Variants in GRAMD2B observed in about 807,000 individuals in gnomAD.
GRAMD2B encodes GRAM domain-containing protein 2B.
Under a neutral mutation model 59.2 loss-of-function variants are expected in GRAMD2B, and 41 were observed. The ratio of observed to expected loss-of-function variants is 0.69; its 90% CI spans 0.54 to 0.90. The LOEUF is 0.90. Among genes scored for constraint, GRAMD2B ranks in the 40% least tolerant of loss-of-function variants. GRAMD2B has a pLI of 0.00. For missense variants in GRAMD2B, 424 were observed against 500.5 expected (o/e 0.85, Z 1.46); for synonymous variants, 161 against 182.7 (o/e 0.88, Z 0.96).
At chr5:126,449,371 A>G (rs976885689) in intron 1 of GRAMD2B, among the ~76,000 whole-genome samples, 28 of 152,224 alleles carry the variant, frequency 1.8e-4, no homozygotes, top group Non-Finnish European at 3.4e-4. Context: ...TAATAACAAT[A>G]TGGAATAATT....
At chr5:126,385,337 G>A (rs1353237399) in intron 1 of GRAMD2B, among the ~76,000 whole-genome samples, 1 of 152,154 alleles carries the variant, frequency 6.6e-6, no homozygotes, top group East Asian at 1.9e-4. Flanking sequence ...GGAAAAGAGA[G>A]GGGAAAATTA....
At chr5:126,463,888 G>A (rs767314361) in intron 1 of GRAMD2B, among the ~76,000 whole-genome samples, 9 of 152,050 alleles carry the variant, frequency 5.9e-5, no homozygotes, top group East Asian at 1.9e-4. Flanking sequence ...GCATGGTGGC[G>A]TGCGCCTGTA....
intron 1 of GRAMD2B, chr5:126,462,359 C>G: frequency 1.0e-6 from 1 of 955,108 alleles, no homozygotes; most frequent in Non-Finnish European, 1.2e-6. Flanking sequence ...CATTTCCCCT[C>G]CCACGCTGCT....
upstream of GRAMD2B, among the ~76,000 whole-genome samples, chr5:126,366,886 G>A (rs1347081935): frequency 8.1e-6 from 1 of 123,870 alleles, no homozygotes; most frequent in Non-Finnish European, 1.6e-5. Context: ...ATGGAGTCTC[G>A]CTCTGTTACC....
At chr5:126,415,564 C>G (rs1252052144) in intron 1 of GRAMD2B, among the ~76,000 whole-genome samples, 1 of 152,030 alleles carries the variant, frequency 6.6e-6, no homozygotes, top group East Asian at 1.9e-4. Flanking sequence ...CAATTTGCCT[C>G]AAATGAAGGT....
chr5:126,437,138 G>A (rs868710443), intron 1 of GRAMD2B, among the ~76,000 whole-genome samples: 8 of 152,270 alleles, frequency 5.3e-5, no homozygotes, highest in African/African-American at 1.9e-4. Context: ...CCAGGTTTGA[G>A]TTTTTTCGAG....
chr5:126,450,979 G>A (rs1461968390), intron 1 of GRAMD2B, among the ~76,000 whole-genome samples: 1 of 152,258 alleles, frequency 6.6e-6, no homozygotes, highest in Non-Finnish European at 1.5e-5. Context: ...CCCACACAGA[G>A]TGCCCAACAG....
At chr5:126,462,304 T>C (rs539658838) in intron 1 of GRAMD2B, 6 of 390,808 alleles carry the variant, frequency 1.5e-5, no homozygotes, top group Non-Finnish European at 2.1e-5. Context: ...TTCAGCTTCA[T>C]TGACAGTAAC....
At chr5:126,444,651 G>T (rs924762314) in intron 1 of GRAMD2B, among the ~76,000 whole-genome samples, 3 of 152,154 alleles carry the variant, frequency 2.0e-5, no homozygotes, top group Non-Finnish European at 4.4e-5. Context: ...GATAAATGAG[G>T]ATGTTCATAT....
chr5:126,428,072 T>C (rs1470828713), intron 1 of GRAMD2B, among the ~76,000 whole-genome samples: 2 of 151,908 alleles, frequency 1.3e-5, no homozygotes, highest in Non-Finnish European at 1.5e-5. Context: ...GTCTCTACTA[T>C]AAATACAAAA....
At chr5:126,371,350 C>T in exon 1 of GRAMD2B, 1 of 1,204,662 alleles carries the variant, frequency 8.3e-7, no homozygotes, top group Admixed American at 3.1e-5. Flanking sequence ...AAGGACTGTA[C>T]AAAGCTGAAA....
At chr5:126,422,448 C>A (rs929359666), upstream of GRAMD2B, among the ~76,000 whole-genome samples, 2 of 152,216 alleles carry the variant, frequency 1.3e-5, no homozygotes, top group African/African-American at 4.8e-5. Context: ...ATCCACCCGC[C>A]TCGGCCTCCC....
At chr5:126,417,146 G>A (rs1561493459) in intron 1 of GRAMD2B, among the ~76,000 whole-genome samples, 2 of 152,246 alleles carry the variant, frequency 1.3e-5, no homozygotes, top group Non-Finnish European at 2.9e-5. Flanking sequence ...ATGGCCCCTA[G>A]TGAGTTGGTA....
At chr5:126,429,389 G>T (rs1243716732) in intron 1 of GRAMD2B, among the ~76,000 whole-genome samples, 1 of 152,142 alleles carries the variant, frequency 6.6e-6, no homozygotes, top group Non-Finnish European at 1.5e-5. Context: ...ATTGGAGGGT[G>T]GAGGGTGGGA....
At chr5:126,484,032 G>A (rs944681683) in intron 9 of GRAMD2B, among the ~76,000 whole-genome samples, 6 of 152,110 alleles carry the variant, frequency 3.9e-5, no homozygotes, top group Non-Finnish European at 7.3e-5. Context: ...GTTTCACCAT[G>A]TTGGTCAGGC....
upstream of GRAMD2B, among the ~76,000 whole-genome samples, chr5:126,418,930 T>G (rs866239433): frequency 6.6e-6 from 1 of 152,218 alleles, no homozygotes; most frequent in African/African-American, 2.4e-5. Flanking sequence ...TAAAATATCA[T>G]GCATAGTTAA....
chr5:126,458,024 A>T (rs1344408246), intron 1 of GRAMD2B, among the ~76,000 whole-genome samples: 5 of 152,092 alleles, frequency 3.3e-5, no homozygotes. Context: ...TCATCTGTTC[A>T]CTAAAGCCAG....
intron 1 of GRAMD2B, among the ~76,000 whole-genome samples, chr5:126,429,291 C>T (rs897151587): frequency 5.9e-5 from 9 of 152,056 alleles, no homozygotes; most frequent in East Asian, 1.9e-4. Context: ...GAACAAAAAA[C>T]GAAATACCAC....
At chr5:126,429,414 G>C (rs376594179) in intron 1 of GRAMD2B, among the ~76,000 whole-genome samples, 8 of 152,068 alleles carry the variant, frequency 5.3e-5, no homozygotes, top group African/African-American at 1.9e-4. Flanking sequence ...GGAGAAATCA[G>C]GAAAAATAAC....
Sources: allele counts gnomAD v4.1 joint callset (sites outside exome capture counted in the v4.1 genomes callset), GRCh38; gene constraint gnomAD v4.1.1; transcripts MANE v1.5; gene names NCBI Gene and HGNC (gene_info 2026-07-23, HGNC 2026-07-21).